The following MFAP3L variants were observed in gnomAD, a reference collection of about 807,000 sequenced individuals.
The protein encoded by MFAP3L is microfibrillar-associated protein 3-like.
In MFAP3L, 5 loss-of-function variants were observed where a neutral mutation model predicts 20.0. The ratio of observed to expected loss-of-function variants is 0.25; its 90% CI spans 0.13 to 0.53. MFAP3L has a LOEUF of 0.53. Among genes scored for constraint, MFAP3L ranks in the 20% least tolerant of loss-of-function variants. The probability of loss-of-function intolerance (pLI) is 0.96; values close to 1 mark genes in which losing one functional copy is unlikely to be tolerated. For missense variants in MFAP3L, 409 were observed against 527.5 expected (o/e 0.78, Z 2.20); for synonymous variants, 219 against 213.0 (o/e 1.03, Z -0.25).
In MFAP3L at chr4:170,005,627, A is replaced by G. The variant is rs1195186331; in HGVS notation, c.251T>C (p.Ile84Thr). 3 of 1,614,186 alleles carry G rather than the reference A, an allele frequency of 1.9e-6. No individual in the cohort carries two copies. The highest frequency in any genetic ancestry group is 1.3e-5 in the African/African-American group (1 of 75,042). ...PDPQFKWYNSIGKLLKEEEDE... is the reference protein window; with the variant it reads ...PDPQFKWYNSTGKLLKEEEDE... ...CTCTTCTTCTTTCAGCAGCTTGCCA[A>G]TGGAATTATACCACTTGAACTGTGG... Residue 84 changes from isoleucine (I) to threonine (T), a missense_variant, in exon 2 of 3, where the codon ATT (isoleucine) becomes ACT (threonine). By Grantham distance (89) the Ile-to-Thr change is moderately conservative. Transcript: ENST00000361618.
chr4:170,003,961 C>A, intron 2 of MFAP3L: 1 of 549,870 alleles, frequency 1.8e-6, no homozygotes, highest in Non-Finnish European at 2.3e-6. Context: ...TTGTTATAGC[C>A]ACTTTTTAAA....
chr4:170,007,216 CT>C (rs1739095449), intron 1 of MFAP3L, among the ~76,000 whole-genome samples: 1 of 152,174 alleles, frequency 6.6e-6, no homozygotes, highest in Admixed American at 6.5e-5. Flanking sequence ...AACTGGAGTG[CT>C]TTCCTGCCCT....
At chr4:170,014,662 G>A (rs991233906) in intron 1 of MFAP3L, among the ~76,000 whole-genome samples, 4 of 152,170 alleles carry the variant, frequency 2.6e-5, no homozygotes, top group Admixed American at 2.6e-4. Flanking sequence ...CTCAGGACCT[G>A]AAATAATTGT....
At chr4:170,000,789 C>G (rs895287585) in intron 2 of MFAP3L, among the ~76,000 whole-genome samples, 1 of 152,134 alleles carries the variant, frequency 6.6e-6, no homozygotes, top group African/African-American at 2.4e-5. Context: ...GTATTGTGAT[C>G]AAGGCTCACT....
At chr4:169,998,793 A>G (rs1240617489) in intron 2 of MFAP3L, among the ~76,000 whole-genome samples, 3 of 152,240 alleles carry the variant, frequency 2.0e-5, no homozygotes, top group Non-Finnish European at 4.4e-5. Flanking sequence ...CCAGGAGAAG[A>G]ATTAAATCTG....
intron 2 of MFAP3L, chr4:170,003,838 GTGTGACATCAC>G (rs1738854743): frequency 1.0e-6 from 1 of 985,374 alleles, no homozygotes; most frequent in Admixed American, 6.1e-5. Context: ...CCATTCACAA[GTGTGACATCAC>G]TGCCTTCTGA....
chr4:170,008,929 G>A (rs1739206889), intron 1 of MFAP3L, among the ~76,000 whole-genome samples: 1 of 152,202 alleles, frequency 6.6e-6, no homozygotes, highest in South Asian at 2.1e-4. Flanking sequence ...CTTGCTGTAT[G>A]AAGCCATGCT....
chr4:170,002,270 G>T, intron 2 of MFAP3L: 1 of 984,898 alleles, frequency 1.0e-6, no homozygotes, highest in Non-Finnish European at 1.2e-6. Flanking sequence ...ATGAATACCC[G>T]CTGGCCACAC....
rs943011244 is a variant in MFAP3L, at chr4:169,989,014, T to A, written c.*2364A>T. 1 of 152,184 alleles carries A rather than the reference T, an allele frequency of 6.6e-6. No individual in the cohort carries two copies. The highest frequency in any genetic ancestry group is 1.5e-5 in the Non-Finnish European group (1 of 68,024). 9.4% of individuals were successfully genotyped at this position (152,184 alleles called of 1,614,324 possible). ...GGGTTTGGGTGGAATGACAACTGAA[T>A]AGGATGGGGTAACATCCATACAGTA... is the stretch of plus-strand genomic sequence containing the variant. On this transcript the variant is annotated 3_prime_UTR_variant, in exon 3 of 3. Transcript: ENST00000361618.
intron 2 of MFAP3L, among the ~76,000 whole-genome samples, chr4:170,002,647 T>C (rs1008340217): frequency 1.1e-4 from 16 of 151,838 alleles, no homozygotes; most frequent in African/African-American, 3.9e-4. Flanking sequence ...GTAGCTGGGA[T>C]TACAGATATG....
At chr4:169,998,005 T>C (rs909784293) in intron 2 of MFAP3L, among the ~76,000 whole-genome samples, 4 of 152,256 alleles carry the variant, frequency 2.6e-5, no homozygotes, top group African/African-American at 9.6e-5. Flanking sequence ...AGCAATGATG[T>C]AAACCAAACA....
At chr4:170,023,876 T>C (rs928879735) in intron 1 of MFAP3L, among the ~76,000 whole-genome samples, 2 of 152,210 alleles carry the variant, frequency 1.3e-5, no homozygotes, top group African/African-American at 2.4e-5. Context: ...AGTATTTAAA[T>C]TGCAAGCCAA....
rs886629310 is a variant in MFAP3L at position 169,988,464 on chromosome 4, G to A, written c.*2914C>T. ...ATTGATTTTACAAACGACTACATAC[G>A]ACCCAAAGGACGAGGCTTTGGATTT... On this transcript the variant is annotated 3_prime_UTR_variant, in exon 3 of 3. Coordinates refer to ENST00000361618, the MANE Select transcript of MFAP3L (RefSeq NM_021647.8). 3.3e-5 allele frequency: 5 copies of A among 152,146 alleles called. No individual in the cohort carries two copies. Among genetic ancestry groups the A allele is most frequent in the Non-Finnish European group, 4.4e-5 (3 of 68,026 alleles). The allele number at this position is 152,146 out of a possible 1,614,324, so 9.4% of individuals were successfully genotyped here.
chr4:170,011,803 G>A (rs1423225683), intron 1 of MFAP3L, among the ~76,000 whole-genome samples: 1 of 152,192 alleles, frequency 6.6e-6, no homozygotes, highest in Non-Finnish European at 1.5e-5. Flanking sequence ...ACAAGAGATG[G>A]AAGTATTAAT....
intron 2 of MFAP3L, among the ~76,000 whole-genome samples, chr4:170,000,230 A>C (rs924468870): frequency 1.3e-5 from 2 of 152,244 alleles, no homozygotes; most frequent in African/African-American, 4.8e-5. Context: ...TGAGAAGAGA[A>C]TCCCAAACTC....
rs750428007 is a variant in MFAP3L, at chr4:170,005,787, C to T, written c.91G>A (p.Val31Met). The change falls in exon 2 of 3, where the codon GTG becomes ATG. Residue 31 changes from valine (V) to methionine (M), a missense_variant. This residue lies in a region of MFAP3L where 113 missense variants were observed against 131.1 expected (regional missense o/e 0.86). Transcript: ENST00000361618. ...LVSTLATAKS[V>M]TNSTLNGTNV... ...GTGCCATTTAAAGTGCTGTTAGTCA[C>T]ACTCTTAGCGGTGGCTAGAGTGGAT... is the stretch of plus-strand genomic sequence containing the variant. 53 of 1,614,140 alleles carry T rather than the reference C, an allele frequency of 3.3e-5. No homozygotes were observed. The East Asian group carries it at 1.1e-3, about 35-fold the overall frequency.
In MFAP3L at chr4:170,005,915, T is replaced by G; in HGVS notation, c.-38A>C. 1 of 1,590,016 alleles carries G rather than the reference T, an allele frequency of 6.3e-7. No individual in the cohort carries two copies. ...CTCTGTAAGGCAATAGAGAGATGGT[T>G]TGCCAACCGAATCTTCTATCAGACA... On this transcript the variant is annotated 5_prime_UTR_variant, in exon 2 of 3. Transcript: ENST00000361618.
At chr4:170,001,023 T>A (rs750034767) in intron 2 of MFAP3L, among the ~76,000 whole-genome samples, 2 of 152,208 alleles carry the variant, frequency 1.3e-5, no homozygotes. Context: ...GCACATGGCC[T>A]TGATGAGTGT....
chr4:170,009,098 A>G (rs924394971), intron 1 of MFAP3L, among the ~76,000 whole-genome samples: 13 of 152,182 alleles, frequency 8.5e-5, no homozygotes, highest in African/African-American at 3.1e-4. Context: ...TGAAAAGTTT[A>G]GTTGAGCTGG....
Sources: allele counts gnomAD v4.1 joint callset (sites outside exome capture counted in the v4.1 genomes callset), GRCh38; gene constraint gnomAD v4.1.1; regional missense constraint gnomAD v4.1.1; transcripts MANE v1.5; gene names NCBI Gene and HGNC (gene_info 2026-07-23, HGNC 2026-07-21).